The following FANCC variants were observed in gnomAD, a reference collection of about 807,000 sequenced individuals.
FANCC encodes the protein Fanconi anemia group C protein.
Under a neutral mutation model 71.3 loss-of-function variants are expected in FANCC, and 55 were observed. That is an observed-to-expected ratio of 0.77 (90% CI 0.62 to 0.97). FANCC has a LOEUF of 0.97. FANCC is among the 50% of genes least tolerant of loss of function. The pLI is 0.00. For missense variants in FANCC, 678 were observed against 670.9 expected (o/e 1.01, Z -0.12); for synonymous variants, 275 against 244.9 (o/e 1.12, Z -1.15).
chr9:95,219,233 A>C (rs1829074451), intron 4 of FANCC, among the ~76,000 whole-genome samples: 1 of 152,220 alleles, frequency 6.6e-6, no homozygotes, highest in Non-Finnish European at 1.5e-5. Context: ...AGAGAAAAAC[A>C]GCAGAACAGC....
rs535273771 is a variant in FANCC, at chr9:95,158,233, AC to A, written c.522-8147del. Among the ~76,000 whole-genome samples, 459 of 152,254 alleles carry A rather than the reference AC, an allele frequency of 3.0e-3. 3 individuals are homozygous for A. Among genetic ancestry groups the A allele is most frequent in the African/African-American group, 0.011 (439 of 41,548 alleles). On this transcript the variant is annotated intron_variant, in intron 6 of 14. Transcript: ENST00000289081. ...CACATACCTCTTCCTCTACCAGCCC[AC>A]CCACTAAGCTCATATATTCCAAAAA...
At chr9:95,130,560 C>A (rs1250842288) in intron 8 of FANCC, among the ~76,000 whole-genome samples, 3 of 152,160 alleles carry the variant, frequency 2.0e-5, no homozygotes, top group Non-Finnish European at 4.4e-5. Context: ...GGAATAGATT[C>A]TTTCCTGGTA....
At chr9:95,317,029 G>A (rs1341586362) in intron 1 of FANCC, 1 of 152,418 alleles carries the variant, frequency 6.6e-6, no homozygotes, top group Non-Finnish European at 1.5e-5. Context: ...TGGGGGCAGG[G>A]GTGTGAGGGA....
intron 3 of FANCC, among the ~76,000 whole-genome samples, chr9:95,244,515 T>TA (rs1388568950): frequency 5.3e-5 from 8 of 151,386 alleles, no homozygotes; most frequent in African/African-American, 1.9e-4. Flanking sequence ...CCATCTCTAG[T>TA]AAGAATACAA....
chr9:95,146,487 C>A (rs201470994), intron 7 of FANCC, among the ~76,000 whole-genome samples: 61 of 45,542 alleles, frequency 1.3e-3, no homozygotes, highest in East Asian at 2.3e-3. Flanking sequence ...GACCCCATCT[C>A]AAAAAAAAAA....
At chr9:95,224,051 A>C (rs577948887) in intron 4 of FANCC, among the ~76,000 whole-genome samples, 1 of 152,348 alleles carries the variant, frequency 6.6e-6, no homozygotes, top group African/African-American at 2.4e-5. Flanking sequence ...CTCACATTTC[A>C]GTAACATCTC....
Position 95,151,806 on chromosome 9 carries a change from C to T in FANCC, c.522-1719G>A, listed in dbSNP as rs185056295. ...AGCCAGGTGTGGTGGCTTACGCCTG[C>T]GTTGCAGCTACTCGGGGGGGCGGAG... On this transcript the variant is annotated intron_variant, in intron 6 of 14. Transcript: ENST00000289081. Among the ~76,000 whole-genome samples the T allele has an allele frequency of 7.8e-4, 119 of 151,920 alleles. No homozygotes were observed. In the East Asian group the frequency reaches 0.02, roughly 26 times the overall value.
Position 95,171,003 on chromosome 9 carries a change from T to C in FANCC, c.521+76A>G, listed in dbSNP as rs539885844. ...TAACTGAACATCCATTTCCTATGAA[T>C]TGTAAAATTTTCCTCTCATAACCAA... On this transcript the variant is annotated intron_variant, in intron 6 of 14. Coordinates refer to ENST00000289081, the MANE Select transcript of FANCC (RefSeq NM_000136.3). The C allele has an allele frequency of 7.0e-5, 74 of 1,050,544 alleles. 1 individual carries two copies. The highest frequency in any genetic ancestry group is 2.6e-4 in the Admixed American group (15 of 58,268). 65.1% of individuals were successfully genotyped at this position (1,050,544 alleles called of 1,614,324 possible).
chr9:95,293,901 T>C, intron 1 of FANCC: 1 of 1,597,572 alleles, frequency 6.3e-7, no homozygotes, highest in South Asian at 1.1e-5. Flanking sequence ...TTTTGAGTGT[T>C]CATTCATCAT....
chr9:95,249,437 G>A, intron 1 of FANCC, 68 bp from the exon 2 acceptor site: 4 of 756,854 alleles, frequency 5.3e-6, no homozygotes, highest in Non-Finnish European at 9.1e-6. Flanking sequence ...ACGACCCATT[G>A]ATGGGTGAAG....
intron 4 of FANCC, among the ~76,000 whole-genome samples, chr9:95,201,955 A>C (rs1159319563): frequency 6.6e-6 from 1 of 152,198 alleles, no homozygotes; most frequent in Non-Finnish European, 1.5e-5. Flanking sequence ...ACACACTTAT[A>C]TTTTGCTTAA....
chr9:95,182,242 C>T (rs1393973965), intron 4 of FANCC, among the ~76,000 whole-genome samples: 2 of 151,654 alleles, frequency 1.3e-5, no homozygotes, highest in Non-Finnish European at 2.9e-5. Context: ...AGGTGTTGGC[C>T]AGGCGTGGTG....
chr9:95,269,819 G>T (rs1257838654), intron 1 of FANCC, among the ~76,000 whole-genome samples: 3 of 152,124 alleles, frequency 2.0e-5, no homozygotes, highest in Non-Finnish European at 4.4e-5. Context: ...CTCGTAAGGT[G>T]GGACGAGAGA....
intron 7 of FANCC, among the ~76,000 whole-genome samples, chr9:95,143,690 TTC>T (rs1829096999): frequency 1.3e-5 from 2 of 152,198 alleles, no homozygotes. Context: ...GTCTTCAAGC[TTC>T]TCAGTATTTT....
chr9:95,238,955 C>T (rs2136039190), intron 4 of FANCC, among the ~76,000 whole-genome samples: 1 of 152,320 alleles, frequency 6.6e-6, no homozygotes, highest in South Asian at 2.1e-4. Context: ...GCTGGTCTCT[C>T]TGGCTTCATG....
chr9:95,104,745 A>C (rs2071307781), intron 14 of FANCC, among the ~76,000 whole-genome samples: 1 of 152,066 alleles, frequency 6.6e-6, no homozygotes, highest in African/African-American at 2.4e-5. Flanking sequence ...CCAAACTCCC[A>C]CGCTGACCCC....
intron 13 of FANCC, chr9:95,110,664 C>T (rs1312217971): frequency 9.5e-7 from 1 of 1,049,302 alleles, no homozygotes; most frequent in African/African-American, 1.7e-5. Flanking sequence ...TTTCAAACAA[C>T]AGAAAATGCC....
chr9:95,244,434 C>T (rs1291780795), intron 3 of FANCC, among the ~76,000 whole-genome samples: 1 of 152,106 alleles, frequency 6.6e-6, no homozygotes, highest in Non-Finnish European at 1.5e-5. Flanking sequence ...AATCCCAGCA[C>T]TTTGGGAGGC....
intron 4 of FANCC, among the ~76,000 whole-genome samples, chr9:95,238,251 A>G (rs1830434159): frequency 6.6e-6 from 1 of 152,202 alleles, no homozygotes; most frequent in African/African-American, 2.4e-5. Flanking sequence ...CAGGTGGCTG[A>G]CTTTCAATCC....
Sources: gnomAD v4.1 joint callset for allele counts (sites outside exome capture counted in the v4.1 genomes callset) on GRCh38, gnomAD v4.1.1 for gene constraint, MANE v1.5 for transcripts, NCBI Gene and HGNC (gene_info 2026-07-23, HGNC 2026-07-21) for gene names.